Variants in NRG1 observed in about 807,000 individuals in gnomAD.
NRG1 encodes the protein neuregulin 1.
A neutral mutation model predicts 63.8 loss-of-function variants in NRG1; 18 were observed. The observed-to-expected ratio is 0.28, with a 90% CI of 0.19 to 0.42. The LOEUF (loss-of-function observed/expected upper bound fraction) is 0.42. Ranked by LOEUF, NRG1 falls within the 10% of genes least tolerant of loss-of-function variation. The probability of loss-of-function intolerance (pLI) is 1.00; values close to 1 mark genes in which losing one functional copy is unlikely to be tolerated. For synonymous variants in NRG1, 302 were observed against 301.3 expected, an observed-to-expected ratio of 1.00 and a Z score of -0.02; for missense variants, 762 against 814.7, an observed-to-expected ratio of 0.94 and a Z score of 0.79.
intron 1 of NRG1, among the ~76,000 whole-genome samples, chr8:31,713,467 A>G (rs1310434019): frequency 6.6e-6 from 1 of 151,896 alleles, no homozygotes; most frequent in Non-Finnish European, 1.5e-5. Context: ...GGTATATTCT[A>G]CTGTTATTGT....
chr8:32,724,490 G>A (rs557132159), intron 5 of NRG1, among the ~76,000 whole-genome samples: 11 of 152,078 alleles, frequency 7.2e-5, no homozygotes, highest in Non-Finnish European at 1.2e-4. Flanking sequence ...ATTACCAAAT[G>A]GAAACTGATT....
At chr8:32,571,418 G>A (rs1482182985) in intron 1 of NRG1, among the ~76,000 whole-genome samples, 3 of 152,130 alleles carry the variant, frequency 2.0e-5, no homozygotes, top group African/African-American at 4.8e-5. Context: ...CAATGCCATC[G>A]TGGTTTTACA....
At chr8:31,769,207 A>G (rs1436516657) in intron 1 of NRG1, among the ~76,000 whole-genome samples, 1 of 152,208 alleles carries the variant, frequency 6.6e-6, no homozygotes, top group East Asian at 1.9e-4. Context: ...AATAATTTAC[A>G]TGGGTTTTTA....
intron 1 of NRG1, among the ~76,000 whole-genome samples, chr8:31,962,113 A>G (rs1171704842): frequency 6.6e-6 from 1 of 152,168 alleles, no homozygotes; most frequent in Non-Finnish European, 1.5e-5. Flanking sequence ...CTATCAGGAA[A>G]TAAGTGGTTA....
intron 1 of NRG1, among the ~76,000 whole-genome samples, chr8:32,587,107 G>A (rs1275810764): frequency 6.6e-6 from 1 of 152,106 alleles, no homozygotes; most frequent in Non-Finnish European, 1.5e-5. Context: ...TATGTGAGAG[G>A]CTAAGGCAGG....
chr8:31,650,591 A>T (rs1343868804), intron 1 of NRG1, among the ~76,000 whole-genome samples: 1 of 152,230 alleles, frequency 6.6e-6, no homozygotes, highest in Non-Finnish European at 1.5e-5. Flanking sequence ...TGAAACTAGT[A>T]ATGATTCCTA....
chr8:31,902,197 A>T (rs1426359864), intron 1 of NRG1, among the ~76,000 whole-genome samples: 1 of 152,192 alleles, frequency 6.6e-6, no homozygotes, highest in Non-Finnish European at 1.5e-5. Context: ...GAGCAAAATA[A>T]GCTCTGTGGC....
At chr8:32,317,575 T>A (rs1800912669) in intron 1 of NRG1, among the ~76,000 whole-genome samples, 1 of 152,228 alleles carries the variant, frequency 6.6e-6, no homozygotes, top group Admixed American at 6.5e-5. Flanking sequence ...ATGTGTTTAT[T>A]TCTATTATCC....
At chr8:31,830,734 C>A (rs980997463) in intron 1 of NRG1, among the ~76,000 whole-genome samples, 1 of 151,922 alleles carries the variant, frequency 6.6e-6, no homozygotes, top group African/African-American at 2.4e-5. Flanking sequence ...GTTGGTATAC[C>A]TACTCCTCCT....
At chr8:32,472,351 G>A (rs1823956166) in intron 1 of NRG1, among the ~76,000 whole-genome samples, 1 of 152,122 alleles carries the variant, frequency 6.6e-6, no homozygotes, top group Non-Finnish European at 1.5e-5. Flanking sequence ...TGTAATTTTA[G>A]TAGAGACAGG....
At chr8:32,293,722 T>TC (rs1349585331) in intron 1 of NRG1, among the ~76,000 whole-genome samples, 1 of 128,354 alleles carries the variant, frequency 7.8e-6, no homozygotes, top group African/African-American at 2.7e-5. Context: ...CTTCTTCTTT[T>TC]TTTTTTTTTT....
chr8:31,768,940 G>A (rs1818343103), intron 1 of NRG1, among the ~76,000 whole-genome samples: 1 of 152,204 alleles, frequency 6.6e-6, no homozygotes, highest in East Asian at 1.9e-4. Flanking sequence ...CAGGTTCAGT[G>A]TCTAACCATG....
chr8:32,677,716 C>T (rs1478913375), intron 5 of NRG1, among the ~76,000 whole-genome samples: 2 of 152,048 alleles, frequency 1.3e-5, no homozygotes, highest in East Asian at 1.9e-4. Context: ...TCTAAAATTT[C>T]TCCCAGATAC....
intron 1 of NRG1, among the ~76,000 whole-genome samples, chr8:31,818,235 A>G (rs1241461627): frequency 6.6e-6 from 1 of 152,234 alleles, no homozygotes; most frequent in Non-Finnish European, 1.5e-5. Context: ...GTGCTGGGTC[A>G]AATTAAATTG....
intron 1 of NRG1, among the ~76,000 whole-genome samples, chr8:32,375,585 GTC>G (rs200308000): frequency 0.056 from 8,562 of 152,174 alleles, 317 homozygotes; most frequent in Middle Eastern, 0.099. Flanking sequence ...GGTGATGAGA[GTC>G]TCTTCAGAAG....
At chr8:32,648,508 A>G (rs1264910884) in intron 5 of NRG1, 14 of 1,357,702 alleles carry the variant, frequency 1.0e-5, no homozygotes, top group Middle Eastern at 1.9e-4. Flanking sequence ...AGCAAAGCCT[A>G]TGTTTGAGAT....
chr8:31,921,488 A>C (rs1003586234), intron 1 of NRG1, among the ~76,000 whole-genome samples: 1 of 152,118 alleles, frequency 6.6e-6, no homozygotes, highest in Non-Finnish European at 1.5e-5. Flanking sequence ...ACACACACAC[A>C]CACACACACA....
chr8:32,082,761 T>G (rs1340335972), intron 1 of NRG1, among the ~76,000 whole-genome samples: 1 of 152,142 alleles, frequency 6.6e-6, no homozygotes, highest in Non-Finnish European at 1.5e-5. Flanking sequence ...TAGAATAAGC[T>G]TGGTTCTCTA....
chr8:31,749,660 CTG>C (rs1816247514), intron 1 of NRG1, among the ~76,000 whole-genome samples: 1 of 150,156 alleles, frequency 6.7e-6, no homozygotes, highest in African/African-American at 2.4e-5. Context: ...TTTTTCCTCT[CTG>C]TGTTGGAAGC....
Sources: allele counts gnomAD v4.1 joint callset (sites outside exome capture counted in the v4.1 genomes callset), GRCh38; gene constraint gnomAD v4.1.1; transcripts MANE v1.5; gene names NCBI Gene and HGNC (gene_info 2026-07-23, HGNC 2026-07-21).